HOMER1: variants seen among roughly 807,000 people sequenced by gnomAD.
HOMER1 encodes homer scaffold protein 1, also known as homer protein homolog 1.
Under a neutral mutation model 48.9 loss-of-function variants are expected in HOMER1, and 3 were observed. The ratio of observed to expected loss-of-function variants is 0.06; its 90% CI spans 0.03 to 0.16. The LOEUF (loss-of-function observed/expected upper bound fraction) is 0.16, where lower values mean the gene tolerates loss of function less well. Ranked by LOEUF, HOMER1 falls within the 10% of genes least tolerant of loss-of-function variation. HOMER1 has a pLI of 1.00. For missense variants in HOMER1, 247 were observed against 411.4 expected, an observed-to-expected ratio of 0.60 and a Z score of 3.46; for synonymous variants, 134 against 146.4, an observed-to-expected ratio of 0.92 and a Z score of 0.61.
chr5:79,505,835 A>G (rs1752750931), intron 1 of HOMER1, among the ~76,000 whole-genome samples: 1 of 152,140 alleles, frequency 6.6e-6, no homozygotes, highest in East Asian at 1.9e-4. Context: ...TTAGTAGTCT[A>G]CCTTAATAGA....
intron 2 of HOMER1, among the ~76,000 whole-genome samples, chr5:79,454,981 T>C (rs558919235): frequency 4.6e-4 from 70 of 152,292 alleles, no homozygotes; most frequent in South Asian, 2.9e-3. Flanking sequence ...AGTTTTTTTT[T>C]CCCCTTAAGA....
At chr5:79,401,840 C>A in intron 6 of HOMER1, 59 bp downstream of exon 6, 1 of 1,539,504 alleles carries the variant, frequency 6.5e-7, no homozygotes, top group Non-Finnish European at 8.9e-7. Flanking sequence ...ATGCAAATTT[C>A]TTCTGATCAA....
At chr5:79,472,611 C>T (rs1314587231) in intron 1 of HOMER1, among the ~76,000 whole-genome samples, 2 of 137,754 alleles carry the variant, frequency 1.5e-5, no homozygotes, top group Non-Finnish European at 3.2e-5. Context: ...CTTGTCTCTA[C>T]TAAAAATAAA....
At chr5:79,493,408 G>A (rs549470267) in intron 1 of HOMER1, among the ~76,000 whole-genome samples, 1 of 152,296 alleles carries the variant, frequency 6.6e-6, no homozygotes, top group African/African-American at 2.4e-5. Flanking sequence ...ACACTTAGCA[G>A]ATGGCCCTGC....
At chr5:79,506,467 C>T (rs1752769765) in intron 1 of HOMER1, among the ~76,000 whole-genome samples, 1 of 152,108 alleles carries the variant, frequency 6.6e-6, no homozygotes, top group South Asian at 2.1e-4. Context: ...AAATTAAGAA[C>T]ATAAGTTCAT....
chr5:79,463,602 C>T (rs1273108290), intron 1 of HOMER1, among the ~76,000 whole-genome samples: 1 of 152,148 alleles, frequency 6.6e-6, no homozygotes, highest in African/African-American at 2.4e-5. Context: ...CAAATGAAAA[C>T]TGAGGAAAGA....
In HOMER1 at chr5:79,376,104, T is replaced by G. The variant is rs1377712746; in HGVS notation, c.970A>C (p.Asn324His). 1 of 1,613,716 alleles carries G rather than the reference T, an allele frequency of 6.2e-7. No individual in the cohort carries two copies. The highest frequency in any genetic ancestry group is 8.5e-7 in the Non-Finnish European group (1 of 1,179,720). The change falls in exon 9 of 9, where the codon AAT becomes CAT. Residue 324 changes from asparagine to histidine, a missense_variant. Around this residue, in one of 4 missense-constraint regions of HOMER1, gnomAD observed 113 missense variants for 152.5 expected, o/e 0.74. Transcript: ENST00000334082. ...ATTTCTAAGAGTGTCTTCAGGTTAT[T>G]GCGAAAAGCTTCTTGTTCATTCTGA... Reference protein sequence around the residue: ...KSQNEQEAFRNNLKTLLEILD... With the variant: ...KSQNEQEAFRHNLKTLLEILD...
rs935558317 is a variant in HOMER1, at chr5:79,514,064, C to CGGCT, written c.-1294_-1291dup. 14 of 152,178 alleles carry CGGCT rather than the reference C, an allele frequency of 9.2e-5. No individual in the cohort carries two copies. The highest frequency in any genetic ancestry group is 1.9e-4 in the Non-Finnish European group (13 of 68,004). The allele number at this position is 152,178 out of a possible 1,614,324, so 9.4% of individuals were successfully genotyped here. ...GCTGCCTCCGCCTCCGCCGGCCGGC[C>CGGCT]GGCTGGCAGAGAAGAGGGTGCTGCT... On this transcript the variant is annotated 5_prime_UTR_variant, in exon 1 of 9. Coordinates refer to ENST00000334082, the MANE Select transcript of HOMER1 (RefSeq NM_004272.5).
At chr5:79,490,769 C>CAAAA (rs1164511654) in intron 1 of HOMER1, among the ~76,000 whole-genome samples, 3 of 84,096 alleles carry the variant, frequency 3.6e-5, no homozygotes, top group African/African-American at 1.1e-4. Flanking sequence ...CCATCTCTAC[C>CAAAA]AAAAAAAAAA....
chr5:79,435,373 T>C (rs1750546646), intron 5 of HOMER1, among the ~76,000 whole-genome samples: 1 of 152,234 alleles, frequency 6.6e-6, no homozygotes, highest in Non-Finnish European at 1.5e-5. Flanking sequence ...TCTGACTGAC[T>C]AGATCACTGT....
intron 5 of HOMER1, among the ~76,000 whole-genome samples, chr5:79,431,825 G>C (rs1750434072): frequency 6.6e-6 from 1 of 152,136 alleles, no homozygotes; most frequent in African/African-American, 2.4e-5. Context: ...GCAGTCCCTG[G>C]AGAATGACCA....
At chr5:79,427,243 T>C (rs1400747450) in intron 5 of HOMER1, among the ~76,000 whole-genome samples, 1 of 152,240 alleles carries the variant, frequency 6.6e-6, no homozygotes, top group African/African-American at 2.4e-5. Flanking sequence ...CTAAGTCTTT[T>C]TCTAGAGTAA....
At chr5:79,386,428 T>TA (rs1031986479) in intron 8 of HOMER1, among the ~76,000 whole-genome samples, 23 of 152,200 alleles carry the variant, frequency 1.5e-4, no homozygotes, top group Admixed American at 1.2e-3. Context: ...CTCATGGACA[T>TA]AGAGTGTAGA....
intron 3 of HOMER1, among the ~76,000 whole-genome samples, chr5:79,449,393 T>TA (rs1437323574): frequency 4.6e-5 from 7 of 152,252 alleles, no homozygotes; most frequent in African/African-American, 1.7e-4. Flanking sequence ...ACTTTGAATG[T>TA]AAAACTCTTA....
At chr5:79,455,562 C>G (rs1051641850) in intron 2 of HOMER1, among the ~76,000 whole-genome samples, 2 of 152,198 alleles carry the variant, frequency 1.3e-5, no homozygotes, top group African/African-American at 4.8e-5. Context: ...TCAAGTAAAC[C>G]TCTTTCCTTT....
At chr5:79,465,163 C>G (rs187138351) in intron 1 of HOMER1, among the ~76,000 whole-genome samples, 1 of 151,870 alleles carries the variant, frequency 6.6e-6, no homozygotes, top group Non-Finnish European at 1.5e-5. Context: ...AGCAAGACCT[C>G]GCCTCCATAA....
chr5:79,433,427 T>A (rs1187675878), intron 5 of HOMER1, among the ~76,000 whole-genome samples: 2 of 151,798 alleles, frequency 1.3e-5, no homozygotes, highest in Non-Finnish European at 2.9e-5. Flanking sequence ...AATTAGCCAG[T>A]CGTGGTGATG....
intron 5 of HOMER1, among the ~76,000 whole-genome samples, chr5:79,416,914 T>C (rs1434846610): frequency 6.6e-6 from 1 of 152,210 alleles, no homozygotes; most frequent in Non-Finnish European, 1.5e-5. Flanking sequence ...GCCTTACAGG[T>C]GTTTTAAATA....
chr5:79,456,114 C>G (rs1211783152), intron 2 of HOMER1, among the ~76,000 whole-genome samples: 2 of 149,434 alleles, frequency 1.3e-5, no homozygotes, highest in African/African-American at 5.0e-5. Context: ...GAGCTGTACT[C>G]CAGGCTGGGT....
Sources: allele counts gnomAD v4.1 joint callset (sites outside exome capture counted in the v4.1 genomes callset), GRCh38; gene constraint gnomAD v4.1.1; regional missense constraint gnomAD v4.1.1; transcripts MANE v1.5; gene names NCBI Gene and HGNC (gene_info 2026-07-23, HGNC 2026-07-21).